LLGL1: variants seen among roughly 807,000 people sequenced by gnomAD.
LLGL1 encodes the protein lethal(2) giant larvae protein homolog 1.
A neutral mutation model predicts 110.6 loss-of-function variants in LLGL1; 58 were observed. The observed-to-expected ratio is 0.52, with a 90% CI of 0.42 to 0.65. The LOEUF (loss-of-function observed/expected upper bound fraction) is 0.65. Ranked by LOEUF, LLGL1 falls within the 30% of genes least tolerant of loss-of-function variation. LLGL1 has a pLI of 0.00. For synonymous variants in LLGL1, 674 were observed against 607.2 expected (o/e 1.11, Z -1.62); for missense variants, 1,229 against 1,462.1 (o/e 0.84, Z 2.60).
chr17:18,234,569 A>C, intron 7 of LLGL1, 80 bp from the exon 8 acceptor site: 9 of 1,594,110 alleles, frequency 5.6e-6, no homozygotes, highest in Non-Finnish European at 5.2e-6. Flanking sequence ...TAAGGTAGAG[A>C]GCAGTGGAGG....
chr17:18,234,025 C>T lies in LLGL1; in HGVS notation c.564C>T (p.Asp188=), dbSNP rs778544322. 4.4e-6 allele frequency: 7 copies of T among 1,593,978 alleles called. No homozygotes were observed. The African/African-American group carries it at 9.4e-5, about 21-fold the overall frequency. ...CCTTCCTCCACAGCGTGCCAGACGA[C>T]TACCGCTGTGGGAAGGCACTGGGCC... ...PGEVLRSVPD[D]YRCGKALGPV... is the part of the protein sequence containing the mutation. Residue 188 remains aspartate (D), a synonymous_variant, in exon 6 of 23, where the codon GAC becomes GAT. Coordinates refer to ENST00000316843, the MANE Select transcript of LLGL1 (RefSeq NM_004140.4).
Position 18,230,035 on chromosome 17 carries a change from A to G in LLGL1, c.176A>G (p.Lys59Arg), listed in dbSNP as rs746307176. The G allele has an allele frequency of 1.2e-6, 2 of 1,609,612 alleles. No homozygotes were observed. Among genetic ancestry groups the G allele is most frequent in the South Asian group, 1.1e-5 (1 of 90,892 alleles). ...MAIGTRSGAVKIYGAPGVEFT... is the reference protein window; with the variant it reads ...MAIGTRSGAVRIYGAPGVEFT... The stretch of plus-strand genomic sequence containing the variant: ...ATCGGCACCAGGTCTGGGGCTGTCA[A>G]GATGTATCCTTTGCAGGACAGGTGT... The change falls in exon 2 of 23, where the codon AAG becomes AGG. Residue 59 changes from lysine (K) to arginine (R), a missense_variant. Lys to Arg is a conservative substitution (Grantham distance 26, BLOSUM62 2). Transcript: ENST00000316843.
At position 18,242,578 on chromosome 17, in the gene LLGL1, G is replaced by A. The variant is rs1483164164; in HGVS notation, c.3066G>A (p.Thr1022=). 18 of 1,613,986 alleles carry A rather than the reference G, an allele frequency of 1.1e-5. No homozygotes were observed. Among genetic ancestry groups the A allele is most frequent in the Non-Finnish European group, 1.5e-5 (18 of 1,179,974 alleles). ...SIDSATSADT[T]LDTTGDVTVE... is the part of the protein sequence containing the mutation. ...ACTCAGCCACCAGTGCTGACACCAC[G>A]CTGGACACGACAGGGGACGTCACAG... Residue 1022 remains threonine (T), a synonymous_variant, in exon 21 of 23, where the codon ACG becomes ACA. Transcript: ENST00000316843.
In LLGL1 at chr17:18,236,733, C is replaced by G. The variant is rs764369347; in HGVS notation, c.1479C>G (p.Ala493=). ...ACGCTGACAGCCTGGCCCAGGCTGC[C>G]GAGGACGACTGGCCACCCTTCCGCA... ...CEHADSLAQA[A]EDDWPPFRKV... The change falls in exon 12 of 23, where the codon GCC becomes GCG. Residue 493 remains alanine, a synonymous_variant. Coordinates refer to ENST00000316843, the MANE Select transcript of LLGL1 (RefSeq NM_004140.4). 5 of 1,612,450 alleles carry G rather than the reference C, an allele frequency of 3.1e-6. No homozygotes were observed. In the East Asian group the frequency reaches 1.1e-4, roughly 36 times the overall value.
chr17:18,242,087 A>G, intron 19 of LLGL1, 79 bp from the exon 20 acceptor site: 3 of 1,533,496 alleles, frequency 2.0e-6, no homozygotes, highest in Non-Finnish European at 2.7e-6. Context: ...CCCTGGGCTC[A>G]GGAGTGGGAG....
At chr17:18,234,506 G>C in intron 7 of LLGL1, 98 bp downstream of exon 7, 1 of 1,580,352 alleles carries the variant, frequency 6.3e-7, no homozygotes, top group South Asian at 1.1e-5. Flanking sequence ...CGAGGGGGTG[G>C]TCTGGGGGCA....
chr17:18,236,406 C>T, intron 11 of LLGL1: 1 of 575,496 alleles, frequency 1.7e-6, no homozygotes, highest in East Asian at 2.9e-5. Flanking sequence ...GCATATGGTG[C>T]ATGTGGCCTG....
chr17:18,241,081 G>C, intron 17 of LLGL1: 1 of 610,510 alleles, frequency 1.6e-6, no homozygotes, highest in Non-Finnish European at 2.8e-6. Context: ...GAGTTCCCCT[G>C]GGAGGGCAGG....
intron 10 of LLGL1, 26 bp downstream of exon 10, chr17:18,235,338 T>TA (rs766669320): frequency 6.2e-7 from 1 of 1,608,370 alleles, no homozygotes; most frequent in South Asian, 1.1e-5. Context: ...AGGGGGGTCT[T>TA]ACAGGGTGGA....
At chr17:18,238,392 G>A (rs932618526) in intron 15 of LLGL1, 64 bp from the exon 16 acceptor site, 4 of 1,573,494 alleles carry the variant, frequency 2.5e-6, no homozygotes, top group African/African-American at 1.3e-5. Context: ...AACGTAGGGC[G>A]CAAAGCAGGA....
intron 22 of LLGL1, 23 bp downstream of exon 22, chr17:18,242,845 G>A: frequency 1.3e-6 from 2 of 1,536,964 alleles, no homozygotes; most frequent in Non-Finnish European, 1.8e-6. Context: ...TGGGGCCCTG[G>A]TCCTCACCAC....
At position 18,234,072 on chromosome 17, in the gene LLGL1, A is replaced by G; in HGVS notation, c.611A>G (p.His204Arg). The change falls in exon 6 of 23, where the codon CAC becomes CGC. Residue 204 changes from histidine to arginine, a missense_variant. By Grantham distance (29) the His-to-Arg change is conservative. Coordinates refer to ENST00000316843, the MANE Select transcript of LLGL1 (RefSeq NM_004140.4). ...GGCCCCGTGGAGTCACTCCAGGGAC[A>G]CCTGCGGGACCCCACAAAGATTCTC... ...ALGPVESLQG[H>R]LRDPTKILIG... The G allele has an allele frequency of 1.9e-6, 3 of 1,610,806 alleles. No homozygotes were observed. Among genetic ancestry groups the G allele is most frequent in the Non-Finnish European group, 2.5e-6 (3 of 1,178,270 alleles).
chr17:18,238,616 C>T lies in LLGL1; in HGVS notation c.2206+7C>T. 6.2e-7 allele frequency: 1 copy of T among 1,605,470 alleles called. No individual in the cohort carries two copies. The highest frequency in any genetic ancestry group is 8.5e-7 in the Non-Finnish European group (1 of 1,176,342). Reference sequence around the variant, plus strand: ...GACACATTCCTTCGAGATGGTAAGGCAGGGGCAGGGGCAGGGACAGGGCAA... The same window carrying T: ...GACACATTCCTTCGAGATGGTAAGGTAGGGGCAGGGGCAGGGACAGGGCAA... On this transcript the variant is annotated splice_region_variant and intron_variant, in intron 16 of 22. Coordinates refer to ENST00000316843, the MANE Select transcript of LLGL1 (RefSeq NM_004140.4).
At chr17:18,225,974 C>T (rs1042169827) in intron 1 of LLGL1, among the ~76,000 whole-genome samples, 1 of 151,888 alleles carries the variant, frequency 6.6e-6, no homozygotes, top group Non-Finnish European at 1.5e-5. Flanking sequence ...GCCGACTTTC[C>T]GTGTCTGCTC....
At chr17:18,227,650 C>G (rs1348271916) in intron 1 of LLGL1, among the ~76,000 whole-genome samples, 1 of 152,198 alleles carries the variant, frequency 6.6e-6, no homozygotes, top group Non-Finnish European at 1.5e-5. Flanking sequence ...GTTGGCTTCC[C>G]AAAGTGCTAG....
In LLGL1 at chr17:18,241,095, C is replaced by G. The variant is rs530656811; in HGVS notation, c.2502+222C>G. On this transcript the variant is annotated intron_variant, in intron 17 of 22. Coordinates refer to ENST00000316843, the MANE Select transcript of LLGL1 (RefSeq NM_004140.4). Reference sequence around the variant, plus strand: ...TGAGTTCCCCTGGGAGGGCAGGAATCTAGTCCTATCTCACTGTGCCACACA... The same window carrying G: ...TGAGTTCCCCTGGGAGGGCAGGAATGTAGTCCTATCTCACTGTGCCACACA... 27 of 594,142 alleles carry G rather than the reference C, an allele frequency of 4.5e-5. 1 individual carries two copies. Among genetic ancestry groups the G allele is most frequent in the Middle Eastern group, 8.9e-4 (2 of 2,256 alleles). 36.8% of individuals were successfully genotyped at this position (594,142 alleles called of 1,614,324 possible).
At chr17:18,226,452 A>G (rs918236364) in intron 1 of LLGL1, among the ~76,000 whole-genome samples, 1 of 151,978 alleles carries the variant, frequency 6.6e-6, no homozygotes, top group African/African-American at 2.4e-5. Flanking sequence ...GCGGCTGGGA[A>G]ATCCCTTCAA....
intron 11 of LLGL1, 139 bp from the exon 12 acceptor site, chr17:18,236,468 G>GT (rs2047696104): frequency 3.6e-6 from 3 of 844,900 alleles, no homozygotes; most frequent in Non-Finnish European, 5.6e-6. Context: ...GGTGCCTATT[G>GT]TTTTTTGTAA....
intron 1 of LLGL1, among the ~76,000 whole-genome samples, chr17:18,226,220 G>A (rs1343952219): frequency 2.6e-5 from 4 of 151,870 alleles, no homozygotes; most frequent in Admixed American, 2.6e-4. Context: ...CTGCCTGTGC[G>A]TCTCTGAGTC....
Sources: allele counts gnomAD v4.1 joint callset (sites outside exome capture counted in the v4.1 genomes callset), GRCh38; gene constraint gnomAD v4.1.1; transcripts MANE v1.5; gene names NCBI Gene and HGNC (gene_info 2026-07-23, HGNC 2026-07-21).